ANK2: variants seen among roughly 807,000 people sequenced by gnomAD.
ANK2 encodes the protein ankyrin-2.
Under a neutral mutation model 360.5 loss-of-function variants are expected in ANK2, and 83 were observed. The ratio of observed to expected loss-of-function variants is 0.23; its 90% CI spans 0.19 to 0.28. The LOEUF is 0.28. ANK2 is among the 10% of genes least tolerant of loss of function. The pLI is 1.00. For missense variants in ANK2, 4,201 were observed against 4,795.7 expected (o/e 0.88, Z 3.66); for synonymous variants, 1,740 against 1,759.5 (o/e 0.99, Z 0.28).
chr4:112,778,924 G>A, the ANK2 span, among the ~76,000 whole-genome samples: 62 of 152,294 alleles, frequency 4.1e-4, no homozygotes, highest in African/African-American at 1.4e-3. Flanking sequence ...CTGACGTGCT[G>A]AGCTAGCTTA....
chr4:112,876,330 T>A (rs920093595), intron 1 of ANK2, among the ~76,000 whole-genome samples: 1 of 152,182 alleles, frequency 6.6e-6, no homozygotes, highest in Non-Finnish European at 1.5e-5. Flanking sequence ...ACTTTGCATA[T>A]ACTGTGGGAA....
intron 37 of ANK2, among the ~76,000 whole-genome samples, chr4:113,352,111 C>T (rs187142240): frequency 6.6e-6 from 1 of 152,276 alleles, no homozygotes; most frequent in East Asian, 1.9e-4. Context: ...ATCCTCCTGC[C>T]CATACGTTTC....
the ANK2 span, among the ~76,000 whole-genome samples, chr4:112,736,288 C>T: frequency 6.6e-6 from 1 of 152,098 alleles, no homozygotes; most frequent in South Asian, 2.1e-4. Flanking sequence ...CACGGTGAAA[C>T]CCCATCTCTA....
the ANK2 span, among the ~76,000 whole-genome samples, chr4:112,791,479 C>CTTTTTT: frequency 1.1e-3 from 105 of 93,864 alleles, no homozygotes; most frequent in Middle Eastern, 5.3e-3. Context: ...TCTTCTTCTT[C>CTTTTTT]TTTTTTTTTT....
At chr4:112,877,848 A>C (rs1192647677) in intron 1 of ANK2, among the ~76,000 whole-genome samples, 2 of 152,170 alleles carry the variant, frequency 1.3e-5, no homozygotes, top group African/African-American at 2.4e-5. Context: ...TTCTCCACCT[A>C]GCTAAAATCG....
the ANK2 span, among the ~76,000 whole-genome samples, chr4:112,710,470 C>T: frequency 3.3e-5 from 5 of 151,984 alleles, no homozygotes; most frequent in Non-Finnish European, 7.4e-5. Flanking sequence ...CTGAAGCGAG[C>T]GGATTGCCCG....
chr4:113,092,339 G>A (rs577740218), intron 1 of ANK2, among the ~76,000 whole-genome samples: 12 of 152,302 alleles, frequency 7.9e-5, no homozygotes, highest in Admixed American at 6.5e-4. Flanking sequence ...TAAACACAAG[G>A]CAGATGAACT....
At chr4:112,914,394 G>A (rs2088939002) in intron 2 of ANK2, among the ~76,000 whole-genome samples, 1 of 152,152 alleles carries the variant, frequency 6.6e-6, no homozygotes. Flanking sequence ...GCTGAGGTGG[G>A]CAGATCACTT....
the ANK2 span, among the ~76,000 whole-genome samples, chr4:112,764,452 C>T: frequency 6.6e-6 from 1 of 152,046 alleles, no homozygotes; most frequent in Admixed American, 6.6e-5. Context: ...TCTCCTGCCT[C>T]AGCCTCCCAA....
chr4:113,316,778 G>C (rs1348016901), intron 24 of ANK2, among the ~76,000 whole-genome samples: 1 of 152,328 alleles, frequency 6.6e-6, no homozygotes, highest in Non-Finnish European at 1.5e-5. Flanking sequence ...CTATGCAAAT[G>C]TCAAGTTTTA....
chr4:113,325,493 A>G (rs2089308969), intron 26 of ANK2, among the ~76,000 whole-genome samples: 1 of 152,188 alleles, frequency 6.6e-6, no homozygotes, highest in Non-Finnish European at 1.5e-5. Flanking sequence ...TACAACATTA[A>G]TTCAAGATAG....
intron 2 of ANK2, among the ~76,000 whole-genome samples, chr4:112,990,148 A>T (rs1345117104): frequency 6.6e-6 from 1 of 152,092 alleles, no homozygotes; most frequent in Non-Finnish European, 1.5e-5. Flanking sequence ...ACATTCCTGT[A>T]GTCTCAGCTA....
At chr4:113,140,420 A>G (rs1399360469) in intron 1 of ANK2, among the ~76,000 whole-genome samples, 1 of 152,244 alleles carries the variant, frequency 6.6e-6, no homozygotes, top group East Asian at 1.9e-4. Flanking sequence ...CATAGATCTT[A>G]CATATTAATG....
At chr4:113,304,312 T>C (rs1487299050) in intron 23 of ANK2, among the ~76,000 whole-genome samples, 1 of 152,222 alleles carries the variant, frequency 6.6e-6, no homozygotes, top group Admixed American at 6.5e-5. Context: ...GTGAAAGCTT[T>C]TCTTTGCTTT....
chr4:112,758,154 G>A, the ANK2 span, among the ~76,000 whole-genome samples: 68 of 151,840 alleles, frequency 4.5e-4, no homozygotes, highest in Non-Finnish European at 4.0e-4. Flanking sequence ...CGCCCGCCTC[G>A]GCCTCCGAGT....
the ANK2 span, among the ~76,000 whole-genome samples, chr4:112,757,921 T>C: frequency 0.02 from 3,081 of 151,870 alleles, 118 homozygotes; most frequent in African/African-American, 0.071. Context: ...CGCTCGTTTC[T>C]CAGGCTGGCG....
At chr4:113,058,968 T>G (rs2071642393) in intron 1 of ANK2, among the ~76,000 whole-genome samples, 1 of 152,138 alleles carries the variant, frequency 6.6e-6, no homozygotes, top group African/African-American at 2.4e-5. Context: ...ATCAGCTGAT[T>G]TGGTGTCTGA....
chr4:112,841,689 A>G (rs2062110206), intron 1 of ANK2, among the ~76,000 whole-genome samples: 1 of 152,168 alleles, frequency 6.6e-6, no homozygotes, highest in African/African-American at 2.4e-5. Context: ...ACAAAACATT[A>G]TCTTACTGAC....
chr4:112,711,954 C>T, the ANK2 span, among the ~76,000 whole-genome samples: 2 of 150,778 alleles, frequency 1.3e-5, no homozygotes, highest in Admixed American at 1.3e-4. Flanking sequence ...GCTAGGACTA[C>T]AAGCAAGCCT....
Sources: gnomAD v4.1 joint callset for allele counts (sites outside exome capture counted in the v4.1 genomes callset) on GRCh38, gnomAD v4.1.1 for gene constraint, MANE v1.5 for transcripts, NCBI Gene and HGNC (gene_info 2026-07-23, HGNC 2026-07-21) for gene names.